PTGFR: variants seen among roughly 807,000 people sequenced by gnomAD.
The protein encoded by PTGFR is prostaglandin F2-alpha receptor.
In PTGFR, 15 loss-of-function variants were observed where a neutral mutation model predicts 26.2. The ratio of observed to expected loss-of-function variants is 0.57; its 90% confidence interval spans 0.38 to 0.88. The LOEUF is 0.88. Among genes scored for constraint, PTGFR ranks in the 40% least tolerant of loss-of-function variants. PTGFR has a pLI of 0.00. For missense variants in PTGFR, 369 were observed against 427.2 expected, an observed-to-expected ratio of 0.86 and a Z score of 1.20; for synonymous variants, 165 against 151.1, an observed-to-expected ratio of 1.09 and a Z score of -0.68.
At chr1:78,525,858 C>T (rs1286532383) in intron 2 of PTGFR, among the ~76,000 whole-genome samples, 1 of 152,034 alleles carries the variant, frequency 6.6e-6, no homozygotes, top group Non-Finnish European at 1.5e-5. Flanking sequence ...CTTCCAGGAA[C>T]CAGGGACAAT....
At chr1:78,496,269 T>TTC (rs1193104472) in intron 2 of PTGFR, among the ~76,000 whole-genome samples, 1 of 152,204 alleles carries the variant, frequency 6.6e-6, no homozygotes, top group Non-Finnish European at 1.5e-5. Context: ...TTCTCTTTTT[T>TTC]TCTCTCACAT....
At chr1:78,501,001 AC>A (rs930446963) in intron 2 of PTGFR, among the ~76,000 whole-genome samples, 5 of 150,960 alleles carry the variant, frequency 3.3e-5, no homozygotes, top group African/African-American at 1.2e-4. Flanking sequence ...GAAAAACATG[AC>A]CTTTTTTTTT....
At chr1:78,536,180 C>T (rs567371822) in intron 2 of PTGFR, among the ~76,000 whole-genome samples, 1 of 152,042 alleles carries the variant, frequency 6.6e-6, no homozygotes. Flanking sequence ...ATTTGACTTA[C>T]TATAGAAGTT....
intron 2 of PTGFR, among the ~76,000 whole-genome samples, chr1:78,514,911 C>G (rs1650058237): frequency 6.6e-6 from 1 of 152,158 alleles, no homozygotes; most frequent in African/African-American, 2.4e-5. Context: ...CCTGTGCCCC[C>G]TTAACCTGCT....
chr1:78,500,466 G>A (rs1649675625), intron 2 of PTGFR, among the ~76,000 whole-genome samples: 1 of 152,206 alleles, frequency 6.6e-6, no homozygotes, highest in Non-Finnish European at 1.5e-5. Context: ...TGCAGTGACT[G>A]GTGGATGTGG....
chr1:78,529,648 A>C (rs1650457277), intron 2 of PTGFR, among the ~76,000 whole-genome samples: 1 of 152,128 alleles, frequency 6.6e-6, no homozygotes, highest in Admixed American at 6.6e-5. Flanking sequence ...TAGAAATAAT[A>C]AAATAAGGAT....
intron 2 of PTGFR, among the ~76,000 whole-genome samples, chr1:78,513,231 G>C (rs1295020063): frequency 6.6e-6 from 1 of 152,194 alleles, no homozygotes; most frequent in Non-Finnish European, 1.5e-5. Flanking sequence ...GAAGATGAGG[G>C]AAAGTTGGAA....
At position 78,493,288 on chromosome 1, in the gene PTGFR, C is replaced by T; in HGVS notation, c.545C>T (p.Ser182Leu). ...CATCGAGACTATAAAATTCAGGCGTCGAGGACCTGGTGTTTCTACAACACA... is the reference window on the plus strand; with the variant it reads ...CATCGAGACTATAAAATTCAGGCGTTGAGGACCTGGTGTTTCTACAACACA... ...LGHRDYKIQA[S>L]RTWCFYNTED... is the part of the protein sequence containing the mutation. The change falls in exon 2 of 3, where the codon TCG becomes TTG. Residue 182 changes from serine to leucine, a missense_variant. Physicochemically the swap from Ser to Leu is moderately radical, Grantham distance 145. Transcript: ENST00000370757. 5 of 1,614,060 alleles carry T rather than the reference C, an allele frequency of 3.1e-6. No individual in the cohort carries two copies. Among genetic ancestry groups the T allele is most frequent in the Non-Finnish European group, 4.2e-6 (5 of 1,180,022 alleles).
intron 2 of PTGFR, among the ~76,000 whole-genome samples, chr1:78,526,686 A>T (rs145111457): frequency 0.014 from 2,075 of 152,248 alleles, 23 homozygotes; most frequent in Non-Finnish European, 0.022. Context: ...CAAGTGACAC[A>T]GTGAGCAATC....
chr1:78,531,778 G>A (rs1234650648), intron 2 of PTGFR, among the ~76,000 whole-genome samples: 1 of 152,066 alleles, frequency 6.6e-6, no homozygotes, highest in Admixed American at 6.6e-5. Flanking sequence ...CAACTCAAGT[G>A]TAGGAGTCTC....
intron 1 of PTGFR, among the ~76,000 whole-genome samples, chr1:78,492,313 A>C (rs1206786768): frequency 3.3e-5 from 5 of 152,188 alleles, no homozygotes. Flanking sequence ...CTTTTTTAAT[A>C]GACTTAGGAT....
chr1:78,526,253 G>C (rs1422895970), intron 2 of PTGFR, among the ~76,000 whole-genome samples: 2 of 152,102 alleles, frequency 1.3e-5, no homozygotes, highest in South Asian at 2.1e-4. Context: ...TTCTTTATGA[G>C]AGGCTGTGGA....
rs1346994067 is a variant in PTGFR, at chr1:78,492,749, C to T, written c.6C>T (p.Ser2=). The change falls in exon 2 of 3, where the codon TCC becomes TCT. Residue 2 remains serine (S), a synonymous_variant. Transcript: ENST00000370757. ...TGGCTTTTATCTCCACAACAATGTC[C>T]ATGAACAATTCCAAACAGCTAGTGT... M[S]MNNSKQLVSP... is the part of the protein sequence containing the mutation. 3 of 1,610,452 alleles carry T rather than the reference C, an allele frequency of 1.9e-6. No homozygotes were observed. The highest frequency in any genetic ancestry group is 2.7e-5 in the African/African-American group (2 of 74,768).
intron 2 of PTGFR, among the ~76,000 whole-genome samples, chr1:78,531,596 A>G (rs1048298260): frequency 1.3e-5 from 2 of 152,194 alleles, no homozygotes; most frequent in Non-Finnish European, 2.9e-5. Flanking sequence ...GAGTCTGAGG[A>G]ATTCCTTGAA....
At chr1:78,514,402 T>G (rs1650044324) in intron 2 of PTGFR, among the ~76,000 whole-genome samples, 1 of 152,208 alleles carries the variant, frequency 6.6e-6, no homozygotes, top group Non-Finnish European at 1.5e-5. Context: ...GGTTTAGGAC[T>G]TGTGTGGGGC....
intron 2 of PTGFR, among the ~76,000 whole-genome samples, chr1:78,506,229 T>C (rs1025770492): frequency 6.6e-6 from 1 of 152,068 alleles, no homozygotes; most frequent in African/African-American, 2.4e-5. Flanking sequence ...TTATATTTTA[T>C]TATAATGGCT....
intron 2 of PTGFR, among the ~76,000 whole-genome samples, chr1:78,534,438 C>T (rs970591802): frequency 3.3e-5 from 5 of 152,264 alleles, no homozygotes; most frequent in Non-Finnish European, 7.4e-5. Flanking sequence ...CAGTGCTGCC[C>T]TACTCACATC....
chr1:78,513,315 G>T (rs1221832728), intron 2 of PTGFR, among the ~76,000 whole-genome samples: 2 of 152,198 alleles, frequency 1.3e-5, no homozygotes, highest in African/African-American at 4.8e-5. Flanking sequence ...ACAAGCTGAT[G>T]AGGTTTCAGA....
At chr1:78,527,751 C>T (rs1322983777) in intron 2 of PTGFR, among the ~76,000 whole-genome samples, 1 of 152,146 alleles carries the variant, frequency 6.6e-6, no homozygotes, top group Non-Finnish European at 1.5e-5. Context: ...TAGACAGCCA[C>T]TATGTGCCCA....
Sources: gnomAD v4.1 joint callset for allele counts (sites outside exome capture counted in the v4.1 genomes callset) on GRCh38, gnomAD v4.1.1 for gene constraint, MANE v1.5 for transcripts, NCBI Gene and HGNC (gene_info 2026-07-23, HGNC 2026-07-21) for gene names.